KNL1: variants seen among roughly 807,000 people sequenced by gnomAD.
The protein encoded by KNL1 is outer kinetochore KNL1 complex subunit KNL1.
Under a neutral mutation model 201.3 loss-of-function variants are expected in KNL1, and 66 were observed. That is an observed-to-expected ratio of 0.33 (90% CI 0.27 to 0.40). The LOEUF (loss-of-function observed/expected upper bound fraction) is 0.40. Among genes scored for constraint, KNL1 ranks in the 10% least tolerant of loss-of-function variants. The pLI is 1.00. For synonymous variants in KNL1, 895 were observed against 899.2 expected (o/e 1.00, Z 0.08); for missense variants, 2,815 against 2,690.5 (o/e 1.05, Z -1.02).
At position 40,623,787 on chromosome 15, in the gene KNL1, G is replaced by A. The variant is rs1260032848; in HGVS notation, c.3523G>A (p.Asp1175Asn). 1 of 1,613,832 alleles carries A rather than the reference G, an allele frequency of 6.2e-7. No individual in the cohort carries two copies. Among genetic ancestry groups the A allele is most frequent in the Admixed American group, 1.7e-5 (1 of 59,976 alleles). ...EVTDSHTVFI[D>N]CQATEKILEE... ...CACCGATTCCCATACTGTTTTCATT[G>A]ACTGTCAAGCCACAGAGAAAATACT... Residue 1175 changes from aspartate to asparagine, a missense_variant, in exon 10 of 26, where the codon GAC becomes AAC. Coordinates refer to ENST00000399668, the MANE Select transcript of KNL1 (RefSeq NM_144508.5).
At chr15:40,649,790 A>C (rs1162634846) in intron 17 of KNL1, among the ~76,000 whole-genome samples, 1 of 152,190 alleles carries the variant, frequency 6.6e-6, no homozygotes, top group African/African-American at 2.4e-5. Context: ...GGTCTTTGCT[A>C]CTACATACTA....
Position 40,662,145 on chromosome 15 carries a change from A to G in KNL1, c.6908A>G (p.Gln2303Arg). The change falls in exon 26 of 26, where the codon CAA becomes CGA. Residue 2303 changes from glutamine to arginine, a missense_variant. Around this residue, in one of 3 missense-constraint regions of KNL1, gnomAD observed 334 missense variants for 362.6 expected, o/e 0.92. Coordinates refer to ENST00000399668, the MANE Select transcript of KNL1 (RefSeq NM_144508.5). ...ENNYLKNVVK[Q>R]IYQDLFQDCH... ...AACTACCTGAAGAATGTAGTCAAGCAAATTTACCAAGATCTGTTTCAGGAC... is the reference window on the plus strand; with the variant it reads ...AACTACCTGAAGAATGTAGTCAAGCGAATTTACCAAGATCTGTTTCAGGAC... 1.2e-6 allele frequency: 2 copies of G among 1,612,566 alleles called. No homozygotes were observed. Among genetic ancestry groups the G allele is most frequent in the Non-Finnish European group, 8.5e-7 (1 of 1,178,704 alleles).
rs1302733307 is a variant in KNL1 at position 40,622,717 on chromosome 15, T to C, written c.2453T>C (p.Val818Ala). Residue 818 changes from valine to alanine, a missense_variant, in exon 10 of 26, where the codon GTG becomes GCG. Val to Ala is a moderately conservative substitution (Grantham distance 64, BLOSUM62 0). Transcript: ENST00000399668. The stretch of plus-strand genomic sequence containing the variant: ...AAAAGTCCCATAGAAAAAAGTGGAG[T>C]GCTTAAATCTAACTGTATTATGGAT... The part of the protein sequence containing the change: ...CGKSPIEKSG[V>A]LKSNCIMDVL... 1 of 1,588,476 alleles carries C rather than the reference T, an allele frequency of 6.3e-7. No individual in the cohort carries two copies. The highest frequency in any genetic ancestry group is 8.5e-7 in the Non-Finnish European group (1 of 1,170,856).
At position 40,652,089 on chromosome 15, in the gene KNL1, C is replaced by T. The variant is rs1396176313; in HGVS notation, c.6399C>T (p.Thr2133=). 3 of 1,611,970 alleles carry T rather than the reference C, an allele frequency of 1.9e-6. No individual in the cohort carries two copies. The highest frequency in any genetic ancestry group is 1.7e-6 in the Non-Finnish European group (2 of 1,178,250). ...FVYDTIQLTI[T]FEESVVGFPF... The stretch of plus-strand genomic sequence containing the variant: ...ATGACACGATACAACTCACCATCAC[C>T]TTTGAAGAGTCAGTTGGTAAGGAGC... The change falls in exon 21 of 26, where the codon ACC becomes ACT. Residue 2133 remains threonine, a synonymous_variant. Coordinates refer to ENST00000399668, the MANE Select transcript of KNL1 (RefSeq NM_144508.5).
At chr15:40,658,073 C>A (rs537646027) in intron 24 of KNL1, among the ~76,000 whole-genome samples, 4 of 152,140 alleles carry the variant, frequency 2.6e-5, no homozygotes, top group African/African-American at 9.6e-5. Flanking sequence ...CAAGACCAGC[C>A]TGGCCAATAT....
chr15:40,643,153 ATGCCTT>A (rs974509374), intron 14 of KNL1: 3 of 152,132 alleles, frequency 2.0e-5, no homozygotes, highest in African/African-American at 7.2e-5. Context: ...AATGTGAAAT[ATGCCTT>A]TGAACTGAAT....
intron 1 of KNL1, among the ~76,000 whole-genome samples, chr15:40,596,646 G>T (rs1891628497): frequency 1.3e-5 from 2 of 152,044 alleles, no homozygotes; most frequent in South Asian, 4.2e-4. Flanking sequence ...CACAACTTCT[G>T]AAACTTTGGA....
intron 1 of KNL1, among the ~76,000 whole-genome samples, chr15:40,602,480 C>CTT (rs34192317): frequency 0.035 from 2,728 of 79,058 alleles, 63 homozygotes; most frequent in African/African-American, 0.062. Flanking sequence ...TTTTTCCTTC[C>CTT]TTTTTTTTTT....
At chr15:40,627,550 AAGAT>A (rs1892791775) in intron 10 of KNL1, among the ~76,000 whole-genome samples, 1 of 152,132 alleles carries the variant, frequency 6.6e-6, no homozygotes, top group Non-Finnish European at 1.5e-5. Flanking sequence ...AGCATGTAAG[AAGAT>A]AGATGAAGAT....
intron 25 of KNL1, among the ~76,000 whole-genome samples, chr15:40,661,303 C>CTTG (rs1028556188): frequency 1.7e-4 from 26 of 151,614 alleles, no homozygotes; most frequent in African/African-American, 6.3e-4. Flanking sequence ...CCATCCTGGC[C>CTTG]AACATGATGA....
In KNL1 at chr15:40,624,797, T is replaced by C; in HGVS notation, c.4533T>C (p.Ile1511=). The change falls in exon 10 of 26, where the codon ATT becomes ATC. Residue 1511 remains isoleucine, a synonymous_variant. Transcript: ENST00000399668. ...GTAAAAAAGAACTGAAGGAAAATATTCAAACAACTAACTATAATACAGCTC... is the reference window on the plus strand; with the variant it reads ...GTAAAAAAGAACTGAAGGAAAATATCCAAACAACTAACTATAATACAGCTC... ...AACKKELKEN[I]QTTNYNTALD... 6.2e-7 allele frequency: 1 copy of C among 1,613,662 alleles called. No homozygotes were observed. Among genetic ancestry groups the C allele is most frequent in the Non-Finnish European group, 8.5e-7 (1 of 1,179,902 alleles).
At chr15:40,658,821 T>G (rs542513797) in intron 24 of KNL1, among the ~76,000 whole-genome samples, 2 of 149,750 alleles carry the variant, frequency 1.3e-5, no homozygotes, top group African/African-American at 4.9e-5. Context: ...TCCCAGCTAA[T>G]CAGGAGGCTG....
intron 14 of KNL1, 126 bp downstream of exon 14, chr15:40,641,153 T>C (rs1211478508): frequency 1.7e-6 from 1 of 597,464 alleles, no homozygotes; most frequent in African/African-American, 1.9e-5. Flanking sequence ...ATTGGCAGTG[T>C]GATGTGGGAG....
chr15:40,653,816 G>A (rs1192055495), intron 21 of KNL1, among the ~76,000 whole-genome samples: 1 of 152,086 alleles, frequency 6.6e-6, no homozygotes. Context: ...TTCCTGCTCA[G>A]CCATATTCAT....
At chr15:40,644,536 G>T (rs1212623719) in intron 14 of KNL1, among the ~76,000 whole-genome samples, 8 of 152,186 alleles carry the variant, frequency 5.3e-5, no homozygotes, top group African/African-American at 1.4e-4. Context: ...GTGTCGGGCT[G>T]GGGGACAGTC....
intron 7 of KNL1, among the ~76,000 whole-genome samples, chr15:40,612,610 G>A (rs144456298): frequency 6.6e-6 from 1 of 152,088 alleles, no homozygotes; most frequent in East Asian, 2.0e-4. Flanking sequence ...TCCGCCTCCT[G>A]GGTTCAAGTG....
chr15:40,623,404 A>T lies in KNL1; in HGVS notation c.3140A>T (p.Asp1047Val), dbSNP rs1156769849. The change falls in exon 10 of 26, where the codon GAT becomes GTT. Residue 1047 changes from aspartate (D) to valine (V), a missense_variant. Physicochemically the swap from Asp to Val is radical, Grantham distance 152. Around this residue, in one of 3 missense-constraint regions of KNL1, gnomAD observed 2,464 missense variants for 2,291.7 expected, o/e 1.08. Transcript: ENST00000399668. ...TCAGCCACTTGCAAAAACATCAAAG[A>T]TGTACAAAGTCCTGGATTTCTGAAT... Reference protein sequence around the residue: ...SKSATCKNIKDVQSPGFLNEP... With the variant: ...SKSATCKNIKVVQSPGFLNEP... 1 of 1,614,024 alleles carries T rather than the reference A, an allele frequency of 6.2e-7. No individual in the cohort carries two copies. Among genetic ancestry groups the T allele is most frequent in the Non-Finnish European group, 8.5e-7 (1 of 1,179,936 alleles).
chr15:40,621,626 G>A lies in KNL1; in HGVS notation c.1362G>A (p.Lys454=), dbSNP rs2141720137. 1 of 1,612,328 alleles carries A rather than the reference G, an allele frequency of 6.2e-7. No homozygotes were observed. The highest frequency in any genetic ancestry group is 8.5e-7 in the Non-Finnish European group (1 of 1,179,160). Residue 454 remains lysine (K), a synonymous_variant, in exon 10 of 26, where the codon AAG becomes AAA. Transcript: ENST00000399668. ...TGAGAGAGGAGAAAAATTTGCTAAAGCATGACAGTAATTATGCTAAAATGT... is the reference window on the plus strand; with the variant it reads ...TGAGAGAGGAGAAAAATTTGCTAAAACATGACAGTAATTATGCTAAAATGT... ...SNMREEKNLL[K]HDSNYAKMYC...
chr15:40,624,648 A>G lies in KNL1; in HGVS notation c.4384A>G (p.Lys1462Glu), dbSNP rs1440484326. ...TAAAAAAGGACAGAGTAGTATCAAT[A>G]AAGAAGAAGTAATACTGTCTAAAGC... ...LPKKGQSSIN[K>E]EEVILSKAGN... The change falls in exon 10 of 26, where the codon AAA (lysine) becomes GAA (glutamate). Residue 1462 changes from lysine (K) to glutamate (E), a missense_variant. Around this residue, in one of 3 missense-constraint regions of KNL1, gnomAD observed 2,464 missense variants for 2,291.7 expected, o/e 1.08. Coordinates refer to ENST00000399668, the MANE Select transcript of KNL1 (RefSeq NM_144508.5). 1 of 1,613,830 alleles carries G rather than the reference A, an allele frequency of 6.2e-7. No homozygotes were observed. The highest frequency in any genetic ancestry group is 1.3e-5 in the African/African-American group (1 of 74,926).
Sources: gnomAD v4.1 joint callset for allele counts (sites outside exome capture counted in the v4.1 genomes callset) on GRCh38, gnomAD v4.1.1 for gene constraint, gnomAD v4.1.1 regional missense constraint, MANE v1.5 for transcripts, NCBI Gene and HGNC (gene_info 2026-07-23, HGNC 2026-07-21) for gene names.